The following BMPER variants were observed in gnomAD, a reference collection of about 807,000 sequenced individuals.
BMPER encodes the protein BMP binding endothelial regulator.
A neutral mutation model predicts 87.3 loss-of-function variants in BMPER; 45 were observed. The observed-to-expected ratio is 0.52, with a 90% confidence interval of 0.41 to 0.66. The LOEUF (loss-of-function observed/expected upper bound fraction) is 0.66. Ranked by LOEUF, BMPER falls within the 30% of genes least tolerant of loss-of-function variation. The pLI, the probability that BMPER is intolerant of heterozygous loss-of-function variation, is 0.00. For synonymous variants in BMPER, 326 were observed against 316.2 expected, an observed-to-expected ratio of 1.03 and a Z score of -0.33; for missense variants, 784 against 867.5, an observed-to-expected ratio of 0.90 and a Z score of 1.21.
chr7:34,138,174 C>G (rs1172778856), intron 13 of BMPER, among the ~76,000 whole-genome samples: 1 of 152,126 alleles, frequency 6.6e-6, no homozygotes, highest in Non-Finnish European at 1.5e-5. Flanking sequence ...CCACATGTGT[C>G]TAATGGTTTC....
chr7:34,104,207 C>A (rs899647983), intron 13 of BMPER, among the ~76,000 whole-genome samples: 1 of 152,214 alleles, frequency 6.6e-6, no homozygotes, highest in African/African-American at 2.4e-5. Context: ...AGTCGTCCCC[C>A]CTTTCTCTCT....
intron 6 of BMPER, among the ~76,000 whole-genome samples, chr7:34,036,917 C>T (rs1297461079): frequency 1.3e-5 from 2 of 152,062 alleles, no homozygotes; most frequent in Admixed American, 6.6e-5. Flanking sequence ...AACAAACAAA[C>T]AAGGAAAACT....
chr7:34,028,601 G>GTTTTTTTTTTTTTTTTTTTTTTTTTTTTT lies in BMPER; in HGVS notation c.577-17701_577-17673dup. The stretch of plus-strand genomic sequence containing the variant: ...ACATACAGTCCAAATCATTTTTTCT[G>GTTTTTTTTTTTTTTTTTTTTTTTTTTTTT]TTTTTTTTTTTTTTTTTTTTTTTTT... On this transcript the variant is annotated intron_variant, in intron 6 of 14. Coordinates refer to ENST00000649409, the MANE Select transcript of BMPER (RefSeq NM_001365308.1). 6.9e-4 allele frequency among the ~76,000 whole-genome samples: 25 copies of GTTTTTTTTTTTTTTTTTTTTTTTTTTTTT among 36,054 alleles called. 1 individual carries two copies. The highest frequency in any genetic ancestry group is 1.1e-3 in the Admixed American group (2 of 1,746). 23.7% of individuals were successfully genotyped at this position (36,054 alleles called of 152,430 possible). A position where few individuals can be genotyped will look rare whatever the true frequency, so the allele number is the denominator to read the frequency against.
At chr7:33,956,118 A>C (rs989452501) in intron 3 of BMPER, among the ~76,000 whole-genome samples, 10 of 152,222 alleles carry the variant, frequency 6.6e-5, no homozygotes, top group African/African-American at 2.4e-4. Flanking sequence ...GTGAAATGGA[A>C]AACTGTAAAA....
rs368815251 is a variant in BMPER, at chr7:34,079,218, G to T, written c.1408+32G>T. On this transcript the variant is annotated intron_variant, in intron 12 of 14. Transcript: ENST00000649409. The stretch of plus-strand genomic sequence containing the variant: ...CGTCTGTGGCCTCCCTCTTGCTCTA[G>T]CCTCCGCCTCACTTACCCGTTCAGC... The T allele has an allele frequency of 2.7e-4, 438 of 1,611,732 alleles. 1 individual carries two copies. In the African/African-American group the frequency reaches 5.1e-3, roughly 19 times the overall value.
chr7:33,951,923 C>A (rs1391966471), intron 3 of BMPER, among the ~76,000 whole-genome samples: 2 of 152,110 alleles, frequency 1.3e-5, no homozygotes, highest in Non-Finnish European at 2.9e-5. Flanking sequence ...TGAATGTCTA[C>A]CAACGAGTTC....
At chr7:33,956,509 A>G (rs964068919) in intron 3 of BMPER, among the ~76,000 whole-genome samples, 3 of 152,144 alleles carry the variant, frequency 2.0e-5, no homozygotes, top group Non-Finnish European at 4.4e-5. Context: ...ACTCACATGC[A>G]GATCTTTTTC....
rs3083769 is a variant in BMPER at position 34,061,950 on chromosome 7, G to GTTTTTT, written c.1033-42_1033-37dup. 1,735 of 1,170,196 alleles carry GTTTTTT rather than the reference G, an allele frequency of 1.5e-3. 3 individuals carry two copies. The highest frequency in any genetic ancestry group is 1.9e-3 in the Middle Eastern group (7 of 3,638). 72.5% of individuals were successfully genotyped at this position (1,170,196 alleles called of 1,614,324 possible). A position where few individuals can be genotyped will look rare whatever the true frequency, so the allele number is the denominator to read the frequency against. On this transcript the variant is annotated intron_variant, in intron 10 of 14. Transcript: ENST00000649409. Reference sequence around the variant, plus strand: ...AAGATATTTGTCCTCAGGAGACCCTGTTTTTTTTTTTTTTTAAACAGTAAC... The same window carrying GTTTTTT: ...AAGATATTTGTCCTCAGGAGACCCTGTTTTTTTTTTTTTTTTTTTTTAAACAGTAAC...
chr7:34,030,199 A>T (rs989057541), intron 6 of BMPER, among the ~76,000 whole-genome samples: 1 of 152,082 alleles, frequency 6.6e-6, no homozygotes, highest in Non-Finnish European at 1.5e-5. Flanking sequence ...TCGATTACTC[A>T]ATATATAGAC....
At chr7:34,005,175 C>A (rs530237347) in intron 6 of BMPER, among the ~76,000 whole-genome samples, 7 of 152,086 alleles carry the variant, frequency 4.6e-5, no homozygotes, top group African/African-American at 1.7e-4. Context: ...AGTGACAGTA[C>A]CCTGGGGATG....
chr7:34,104,063 G>T (rs1221709038), intron 13 of BMPER, among the ~76,000 whole-genome samples: 1 of 152,194 alleles, frequency 6.6e-6, no homozygotes, highest in Non-Finnish European at 1.5e-5. Flanking sequence ...AATGCACTTG[G>T]TGCTTTCCAC....
intron 6 of BMPER, among the ~76,000 whole-genome samples, chr7:33,992,540 C>T (rs1234787221): frequency 6.7e-6 from 1 of 149,382 alleles, no homozygotes; most frequent in South Asian, 2.2e-4. Context: ...TTCCTGAACA[C>T]AGCACACTGA....
chr7:33,996,169 A>G (rs902788034), intron 6 of BMPER, among the ~76,000 whole-genome samples: 1 of 152,224 alleles, frequency 6.6e-6, no homozygotes, highest in Non-Finnish European at 1.5e-5. Context: ...GAAATGAAAA[A>G]GTCGCTTTAG....
At chr7:34,083,539 T>C (rs1306080017) in intron 12 of BMPER, among the ~76,000 whole-genome samples, 1 of 152,230 alleles carries the variant, frequency 6.6e-6, no homozygotes, top group Non-Finnish European at 1.5e-5. Context: ...TTTCCATTTA[T>C]TTCTTGAGAA....
intron 14 of BMPER, among the ~76,000 whole-genome samples, chr7:34,150,839 G>C (rs1791157747): frequency 1.3e-5 from 2 of 152,160 alleles, no homozygotes; most frequent in African/African-American, 2.4e-5. Context: ...GCCTATATTT[G>C]AGTTGGTGTG....
intron 6 of BMPER, among the ~76,000 whole-genome samples, chr7:33,980,259 T>C (rs1785815504): frequency 6.6e-6 from 1 of 152,190 alleles, no homozygotes; most frequent in Non-Finnish European, 1.5e-5. Flanking sequence ...ACAGCTTGAG[T>C]CCTATTAGCT....
chr7:33,905,964 T>C (rs139678908), intron 1 of BMPER, among the ~76,000 whole-genome samples: 22 of 152,358 alleles, frequency 1.4e-4, no homozygotes, highest in African/African-American at 5.1e-4. Flanking sequence ...GTAGTAATAA[T>C]AGACATTCTT....
At chr7:33,948,007 G>A (rs965108450) in intron 3 of BMPER, among the ~76,000 whole-genome samples, 10 of 152,140 alleles carry the variant, frequency 6.6e-5, no homozygotes, top group African/African-American at 2.4e-4. Context: ...GTTTTAAGAT[G>A]GAAAGATTGA....
At chr7:33,917,216 C>T (rs1341783951) in intron 2 of BMPER, among the ~76,000 whole-genome samples, 7 of 152,202 alleles carry the variant, frequency 4.6e-5, no homozygotes, top group African/African-American at 1.7e-4. Context: ...TGGCATTCTC[C>T]AGTCATTTCC....
Sources: allele counts gnomAD v4.1 joint callset (sites outside exome capture counted in the v4.1 genomes callset), GRCh38; gene constraint gnomAD v4.1.1; transcripts MANE v1.5; gene names NCBI Gene and HGNC (gene_info 2026-07-23, HGNC 2026-07-21).